Variants in TMEM117 observed in about 807,000 individuals in gnomAD.
The protein encoded by TMEM117 is transmembrane protein 117.
A neutral mutation model predicts 52.4 loss-of-function variants in TMEM117; 27 were observed. The observed-to-expected ratio is 0.51, with a 90% CI of 0.38 to 0.71. TMEM117 has a LOEUF of 0.71. Among genes scored for constraint, TMEM117 ranks in the 30% least tolerant of loss-of-function variants. The probability of loss-of-function intolerance (pLI) is 0.00; values close to 1 mark genes in which losing one functional copy is unlikely to be tolerated. For synonymous variants in TMEM117, 215 were observed against 206.3 expected, an observed-to-expected ratio of 1.04 and a Z score of -0.36; for missense variants, 556 against 630.5, an observed-to-expected ratio of 0.88 and a Z score of 1.26.
chr12:44,152,808 G>GTTTATATGAATATAATGTATATATTGTA (rs1948771005), intron 4 of TMEM117, among the ~76,000 whole-genome samples: 2 of 138,570 alleles, frequency 1.4e-5, no homozygotes, highest in African/African-American at 2.7e-5. Flanking sequence ...TATACATTAT[G>GTTTATATGAATATAATGTATATATTGTA]TTTATATGAA....
At chr12:44,070,758 T>C (rs1244378741) in intron 3 of TMEM117, among the ~76,000 whole-genome samples, 1 of 152,240 alleles carries the variant, frequency 6.6e-6, no homozygotes, top group Non-Finnish European at 1.5e-5. Flanking sequence ...TAGCATTATA[T>C]GAATACCTTG....
intron 2 of TMEM117, among the ~76,000 whole-genome samples, chr12:43,922,776 A>AT (rs1381099896): frequency 6.6e-6 from 1 of 152,086 alleles, no homozygotes; most frequent in Non-Finnish European, 1.5e-5. Flanking sequence ...TTTGTAGACT[A>AT]TTTGTTTCTT....
intron 4 of TMEM117, among the ~76,000 whole-genome samples, chr12:44,163,208 A>G (rs1948921103): frequency 6.6e-6 from 1 of 152,214 alleles, no homozygotes; most frequent in Admixed American, 6.5e-5. Context: ...CACATTTAAG[A>G]AATAAGATTA....
intron 3 of TMEM117, among the ~76,000 whole-genome samples, chr12:44,039,738 A>G (rs1278906894): frequency 6.6e-6 from 1 of 151,930 alleles, no homozygotes; most frequent in Non-Finnish European, 1.5e-5. Flanking sequence ...TTCCTTCTCA[A>G]TGAAATCTTT....
At chr12:43,874,499 G>A (rs945164784) in intron 2 of TMEM117, among the ~76,000 whole-genome samples, 1 of 152,130 alleles carries the variant, frequency 6.6e-6, no homozygotes, top group African/African-American at 2.4e-5. Flanking sequence ...GCTGAGGCAG[G>A]AGAATCGCTT....
At chr12:43,879,053 G>T (rs1210253371) in intron 2 of TMEM117, among the ~76,000 whole-genome samples, 1 of 152,144 alleles carries the variant, frequency 6.6e-6, no homozygotes, top group African/African-American at 2.4e-5. Context: ...GATCAGATCA[G>T]GGATCTGAAA....
chr12:43,894,188 T>G (rs1229208317), intron 2 of TMEM117, among the ~76,000 whole-genome samples: 1 of 152,194 alleles, frequency 6.6e-6, no homozygotes, highest in Non-Finnish European at 1.5e-5. Context: ...GAGAAGAAAT[T>G]AATGGCAGCC....
chr12:44,250,274 A>G (rs563695784), intron 5 of TMEM117, among the ~76,000 whole-genome samples: 5 of 152,380 alleles, frequency 3.3e-5, no homozygotes, highest in African/African-American at 1.2e-4. Context: ...AATGCGAATC[A>G]AAACCACAGT....
chr12:44,143,434 G>T, intron 3 of TMEM117, 91 bp from the exon 4 acceptor site: 1 of 870,610 alleles, frequency 1.1e-6, no homozygotes. Context: ...GCTGAGAATG[G>T]GAGAAGTCCC....
chr12:44,323,648 C>A (rs1332752601), intron 6 of TMEM117, among the ~76,000 whole-genome samples: 1 of 152,112 alleles, frequency 6.6e-6, no homozygotes, highest in African/African-American at 2.4e-5. Context: ...TTTTATAGAG[C>A]ACCTTTTTAC....
chr12:44,152,829 A>G (rs1000543673), intron 4 of TMEM117, among the ~76,000 whole-genome samples: 1 of 144,360 alleles, frequency 6.9e-6, no homozygotes, highest in Non-Finnish European at 1.5e-5. Flanking sequence ...TATAATGTAT[A>G]TATTGTATTT....
intron 2 of TMEM117, among the ~76,000 whole-genome samples, chr12:43,865,678 C>T (rs1304600297): frequency 6.7e-6 from 1 of 148,782 alleles, no homozygotes; most frequent in Non-Finnish European, 1.5e-5. Flanking sequence ...GCCTGGGTGA[C>T]AGAACGAGAC....
At chr12:44,027,792 A>G (rs1946566178) in intron 3 of TMEM117, among the ~76,000 whole-genome samples, 1 of 152,216 alleles carries the variant, frequency 6.6e-6, no homozygotes, top group Non-Finnish European at 1.5e-5. Flanking sequence ...TTGTTTAACT[A>G]TAGAGAGGAG....
intron 5 of TMEM117, among the ~76,000 whole-genome samples, chr12:44,230,559 T>C (rs1949919094): frequency 4.6e-5 from 7 of 152,066 alleles, no homozygotes; most frequent in Non-Finnish European, 8.8e-5. Context: ...AACTTACTTA[T>C]CATCCTGCCT....
chr12:43,986,661 T>C (rs532443668), intron 3 of TMEM117, among the ~76,000 whole-genome samples: 2 of 152,302 alleles, frequency 1.3e-5, no homozygotes, highest in Non-Finnish European at 2.9e-5. Context: ...CATTATCTCT[T>C]TAACTATTAC....
chr12:44,263,381 T>C (rs1383859694), intron 5 of TMEM117: 1 of 152,174 alleles, frequency 6.6e-6, no homozygotes, highest in South Asian at 2.1e-4. Context: ...TGTGGAGAAA[T>C]AGGAATGCTT....
chr12:44,101,957 GC>G (rs1947868568), intron 3 of TMEM117, among the ~76,000 whole-genome samples: 1 of 151,990 alleles, frequency 6.6e-6, no homozygotes. Context: ...TTTTCTACAA[GC>G]ATCATAAACT....
intron 3 of TMEM117, among the ~76,000 whole-genome samples, chr12:44,005,575 G>C (rs952889894): frequency 6.6e-6 from 1 of 152,166 alleles, no homozygotes; most frequent in Non-Finnish European, 1.5e-5. Flanking sequence ...GGTATTAGCT[G>C]TGCATCAAGG....
chr12:43,855,316 G>A (rs958504166), intron 2 of TMEM117, among the ~76,000 whole-genome samples: 1 of 151,420 alleles, frequency 6.6e-6, no homozygotes, highest in African/African-American at 2.4e-5. Flanking sequence ...AGGCTGGAGT[G>A]CAGTGGTGTG....
Sources: gnomAD v4.1 joint callset for allele counts (sites outside exome capture counted in the v4.1 genomes callset) on GRCh38, gnomAD v4.1.1 for gene constraint, MANE v1.5 for transcripts, NCBI Gene and HGNC (gene_info 2026-07-23, HGNC 2026-07-21) for gene names.